Variants in GRIP1 observed in about 807,000 individuals in gnomAD.
GRIP1 encodes the protein glutamate receptor interacting protein 1, also known as glutamate receptor-interacting protein 1.
In GRIP1, 45 loss-of-function variants were observed where a neutral mutation model predicts 129.9. That is an observed-to-expected ratio of 0.35 (90% CI 0.27 to 0.44). GRIP1 has a LOEUF of 0.44. GRIP1 is among the 20% of genes least tolerant of loss of function. The pLI is 1.00. For missense variants in GRIP1, 1,196 were observed against 1,396.8 expected (o/e 0.86, Z 2.29); for synonymous variants, 530 against 520.8 (o/e 1.02, Z -0.24).
rs1033983935 is a variant in GRIP1, at chr12:66,965,898, G to A, written c.58+103152C>T. 2.0e-5 allele frequency among the ~76,000 whole-genome samples: 3 copies of A among 152,200 alleles called. 1 individual carries two copies. The highest frequency in any genetic ancestry group is 2.0e-4 in the Admixed American group (3 of 15,262). On this transcript the variant is annotated intron_variant, in intron 1 of 1. Coordinates refer to the GRIP1 transcript ENST00000643019. Reference sequence around the variant, plus strand: ...TGCAAAATGCAGTTTTGCAGTTTCTGCCAGACAGTCTGCTTTCAAAGTAAT... The same window carrying A: ...TGCAAAATGCAGTTTTGCAGTTTCTACCAGACAGTCTGCTTTCAAAGTAAT...
At chr12:66,973,825 CA>C in intron 1 of GRIP1, among the ~76,000 whole-genome samples, 1 of 151,728 alleles carries the variant, frequency 6.6e-6, no homozygotes, top group East Asian at 1.9e-4. Flanking sequence ...GTAATCCAGG[CA>C]TTAAAATTAT....
rs567471629 is a variant in GRIP1, at chr12:66,673,539, G to A, written c.55+5311C>T. 6.6e-5 allele frequency among the ~76,000 whole-genome samples: 10 copies of A among 152,276 alleles called. No homozygotes were observed. In the East Asian group the frequency reaches 1.2e-3, roughly 18 times the overall value. ...CTGGAGGATGGGTACCTCCTGGAAC[G>A]AGGTAAAGTATTTCTAGCATCCAAT... On this transcript the variant is annotated intron_variant, in intron 1 of 24. Transcript: ENST00000359742.
intron 1 of GRIP1, among the ~76,000 whole-genome samples, chr12:66,675,544 C>T (rs534608753): frequency 6.6e-6 from 1 of 152,264 alleles, no homozygotes; most frequent in African/African-American, 2.4e-5. Flanking sequence ...CTCCCTTCCC[C>T]TGAGGTATGG....
chr12:66,435,012 A>G (rs1358308241), intron 13 of GRIP1, among the ~76,000 whole-genome samples: 6 of 152,214 alleles, frequency 3.9e-5, no homozygotes, highest in Non-Finnish European at 7.3e-5. Flanking sequence ...GGCAACTGAA[A>G]GATCCCTGAT....
chr12:66,979,856 G>A (rs2042218816), intron 1 of GRIP1, among the ~76,000 whole-genome samples: 1 of 152,188 alleles, frequency 6.6e-6, no homozygotes, highest in East Asian at 1.9e-4. Context: ...GCCAACCTTA[G>A]AAGCTAGGAA....
chr12:66,358,676 T>C (rs1255111284), intron 23 of GRIP1, among the ~76,000 whole-genome samples: 1 of 152,076 alleles, frequency 6.6e-6, no homozygotes, highest in Non-Finnish European at 1.5e-5. Flanking sequence ...CTTGAACTCC[T>C]AACCTAAAAT....
At chr12:66,919,299 T>C (rs1178269497) in intron 1 of GRIP1, among the ~76,000 whole-genome samples, 1 of 152,204 alleles carries the variant, frequency 6.6e-6, no homozygotes, top group East Asian at 1.9e-4. Flanking sequence ...AGTTAGCAAC[T>C]GGCAGTTTGC....
chr12:66,778,654 GA>G (rs1426667947), intron 1 of GRIP1, among the ~76,000 whole-genome samples: 2 of 152,156 alleles, frequency 1.3e-5, no homozygotes, highest in South Asian at 2.1e-4. Flanking sequence ...ACCCTATAAA[GA>G]AACAAATCTT....
Position 66,720,720 on chromosome 12 carries a change from G to C in GRIP1, c.-420+83333C>G, listed in dbSNP as rs557063250. Among the ~76,000 whole-genome samples the C allele has an allele frequency of 2.2e-4, 33 of 152,248 alleles. No homozygotes were observed. In the South Asian group the frequency reaches 5.8e-3, roughly 27 times the overall value. ...ATTATCTGTTCAAGTTTTATCATGAGATTGCAGCAATTAGGTCATATCTTT... is the reference window on the plus strand; with the variant it reads ...ATTATCTGTTCAAGTTTTATCATGACATTGCAGCAATTAGGTCATATCTTT... On this transcript the variant is annotated intron_variant, in intron 1 of 4. Coordinates refer to the GRIP1 transcript ENST00000538373.
At chr12:66,772,827 T>C (rs932182969) in intron 1 of GRIP1, among the ~76,000 whole-genome samples, 1 of 151,994 alleles carries the variant, frequency 6.6e-6, no homozygotes. Context: ...AGAGCTTTTC[T>C]CATTTAGACT....
intron 1 of GRIP1, among the ~76,000 whole-genome samples, chr12:66,997,102 G>A (rs1484455858): frequency 2.0e-5 from 3 of 152,062 alleles, no homozygotes; most frequent in Non-Finnish European, 4.4e-5. Flanking sequence ...TACATTTACT[G>A]AACAGTTTTA....
chr12:66,753,223 T>C (rs1190936084), intron 1 of GRIP1, among the ~76,000 whole-genome samples: 1 of 152,326 alleles, frequency 6.6e-6, no homozygotes, highest in Middle Eastern at 3.4e-3. Flanking sequence ...TACTAACATC[T>C]GTGTTCTCTT....
At chr12:66,707,949 C>T (rs1028580734) in intron 1 of GRIP1, among the ~76,000 whole-genome samples, 1 of 151,956 alleles carries the variant, frequency 6.6e-6, no homozygotes, top group Admixed American at 6.6e-5. Context: ...ATGCATAGTA[C>T]TGAATGTTAG....
rs5798839 is a variant in GRIP1, at chr12:66,864,559, T to TAA, written c.58+204489_58+204490dup. Among the ~76,000 whole-genome samples, 417 of 148,892 alleles carry TAA rather than the reference T, an allele frequency of 2.8e-3. 3 individuals carry two copies. The highest frequency in any genetic ancestry group is 0.019 in the South Asian group (89 of 4,674). On this transcript the variant is annotated intron_variant, in intron 1 of 1. Transcript: ENST00000643019. ...AGTGAGACCTCATTTCTATTAAAAATAAAAAAAAAATAGCTGGGTATGGTG... is the reference window on the plus strand; with the variant it reads ...AGTGAGACCTCATTTCTATTAAAAATAAAAAAAAAAAATAGCTGGGTATGGTG...
At chr12:66,611,966 T>C (rs2064815962) in intron 1 of GRIP1, among the ~76,000 whole-genome samples, 2 of 152,184 alleles carry the variant, frequency 1.3e-5, no homozygotes. Flanking sequence ...AGGTTTTATA[T>C]CATAAAATAT....
At chr12:66,768,413 G>A (rs140077271) in intron 1 of GRIP1, among the ~76,000 whole-genome samples, 8 of 152,246 alleles carry the variant, frequency 5.3e-5, no homozygotes, top group East Asian at 1.9e-4. Context: ...CTTGTTGTCC[G>A]GAACTTGCAA....
At chr12:66,769,724 A>G (rs1369171336) in intron 1 of GRIP1, among the ~76,000 whole-genome samples, 8 of 152,154 alleles carry the variant, frequency 5.3e-5, no homozygotes, top group Admixed American at 6.5e-5. Flanking sequence ...CAAGTTCACT[A>G]TAACAACCAA....
chr12:66,456,178 G>T lies in GRIP1; in HGVS notation c.1198+9C>A. On this transcript the variant is annotated intron_variant, in intron 10 of 24. Coordinates refer to ENST00000359742, the MANE Select transcript of GRIP1 (RefSeq NM_001366722.1). ...TAAAAGACCAGGAGGAGAAAGCATG[G>T]AACATTACGAGGGCTGTTTGGAGGA... 7.8e-7 allele frequency: 1 copy of T among 1,282,262 alleles called. No homozygotes were observed. The highest frequency in any genetic ancestry group is 1.0e-6 in the Non-Finnish European group (1 of 981,788). 79.4% of individuals were successfully genotyped at this position (1,282,262 alleles called of 1,614,324 possible).
In GRIP1 at chr12:66,896,000, T is replaced by G. The variant is rs115545631; in HGVS notation, c.58+173050A>C. Among the ~76,000 whole-genome samples the G allele has an allele frequency of 4.6e-3, 707 of 152,338 alleles. 7 individuals are homozygous for G. The highest frequency in any genetic ancestry group is 0.016 in the African/African-American group (654 of 41,570). Reference sequence around the variant, plus strand: ...TATACTGGTAAAGAATCAATGGTCATTTTGTTTAGCAAGATATTAACAAAT... The same window carrying G: ...TATACTGGTAAAGAATCAATGGTCAGTTTGTTTAGCAAGATATTAACAAAT... On this transcript the variant is annotated intron_variant, in intron 1 of 1. Transcript: ENST00000643019.
Sources: allele counts gnomAD v4.1 joint callset (sites outside exome capture counted in the v4.1 genomes callset), GRCh38; gene constraint gnomAD v4.1.1; transcripts MANE v1.5; gene names NCBI Gene and HGNC (gene_info 2026-07-23, HGNC 2026-07-21).